Variants in CMIP observed in about 807,000 individuals in gnomAD.
CMIP encodes c-Maf inducing protein, also known as C-Maf-inducing protein.
In CMIP, 13 loss-of-function variants were observed where a neutral mutation model predicts 97.3. That is an observed-to-expected ratio of 0.13 (90% confidence interval 0.09 to 0.21). CMIP has a LOEUF of 0.21. CMIP is among the 10% of genes least tolerant of loss of function. CMIP has a pLI of 1.00. For synonymous variants in CMIP, 538 were observed against 436.3 expected (o/e 1.23, Z -2.91); for missense variants, 847 against 1,024.9 (o/e 0.83, Z 2.37).
At chr16:81,527,525 A>G (rs2090155832) in intron 1 of CMIP, among the ~76,000 whole-genome samples, 1 of 152,134 alleles carries the variant, frequency 6.6e-6, no homozygotes, top group Admixed American at 6.6e-5. Context: ...ATCCCATCTC[A>G]TGGACCTACC....
intron 9 of CMIP, among the ~76,000 whole-genome samples, chr16:81,675,403 G>C (rs1226338472): frequency 7.1e-6 from 1 of 141,244 alleles, no homozygotes; most frequent in Admixed American, 7.4e-5. Flanking sequence ...ATTTTTAGTA[G>C]AGATGGGGTT....
At chr16:81,629,425 C>T (rs188220912) in intron 3 of CMIP, among the ~76,000 whole-genome samples, 7 of 152,306 alleles carry the variant, frequency 4.6e-5, no homozygotes, top group South Asian at 4.1e-4. Flanking sequence ...AGTGACCCTC[C>T]GAGGTGGCTC....
At chr16:81,548,357 C>G (rs2090589388) in intron 1 of CMIP, among the ~76,000 whole-genome samples, 1 of 152,076 alleles carries the variant, frequency 6.6e-6, no homozygotes, top group African/African-American at 2.4e-5. Context: ...TGTTCTCGAA[C>G]TCCTGAGCTG....
intron 1 of CMIP, among the ~76,000 whole-genome samples, chr16:81,566,322 C>T (rs2090983086): frequency 6.6e-6 from 1 of 152,240 alleles, no homozygotes; most frequent in Non-Finnish European, 1.5e-5. Context: ...CTCCTGGGGA[C>T]ACATCGGGTT....
intron 1 of CMIP, among the ~76,000 whole-genome samples, chr16:81,448,829 G>T (rs1477912213): frequency 6.6e-6 from 1 of 152,272 alleles, no homozygotes; most frequent in Non-Finnish European, 1.5e-5. Flanking sequence ...ACCTTTGTGG[G>T]GAAGGGCCTG....
chr16:81,698,774 C>T (rs1226519555), intron 14 of CMIP, among the ~76,000 whole-genome samples: 3 of 152,186 alleles, frequency 2.0e-5, no homozygotes, highest in Non-Finnish European at 4.4e-5. Context: ...CCCTTCCTCC[C>T]GGCCTCAGTC....
At chr16:81,540,384 C>T (rs1457536030) in intron 1 of CMIP, among the ~76,000 whole-genome samples, 1 of 152,160 alleles carries the variant, frequency 6.6e-6, no homozygotes, top group African/African-American at 2.4e-5. Context: ...CTCACTGCAG[C>T]CTTGACCTCC....
Position 81,491,886 on chromosome 16 carries a change from C to T in CMIP, c.300+46345C>T, listed in dbSNP as rs140431206. ...GGTTTCTTTCCATTTTCTCCTCTAC[C>T]GTCATCAGCGGAGATGACGTTTTAC... On this transcript the variant is annotated intron_variant, in intron 1 of 20. Coordinates refer to ENST00000537098, the MANE Select transcript of CMIP (RefSeq NM_198390.3). Among the ~76,000 whole-genome samples the T allele has an allele frequency of 7.9e-5, 12 of 152,302 alleles. No individual in the cohort carries two copies. The East Asian group carries it at 1.5e-3, about 20-fold the overall frequency.
chr16:81,493,795 G>A (rs1248736771), intron 1 of CMIP, among the ~76,000 whole-genome samples: 1 of 152,212 alleles, frequency 6.6e-6, no homozygotes, highest in Non-Finnish European at 1.5e-5. Flanking sequence ...TCAAAGGGGC[G>A]AGTCACCTGC....
intron 1 of CMIP, among the ~76,000 whole-genome samples, chr16:81,566,238 G>A (rs1203874830): frequency 6.6e-6 from 1 of 152,218 alleles, no homozygotes; most frequent in Non-Finnish European, 1.5e-5. Context: ...TGTGCTTGGG[G>A]TTTAGTGGAC....
chr16:81,696,733 A>G, intron 14 of CMIP, 66 bp downstream of exon 14: 2 of 1,448,930 alleles, frequency 1.4e-6, no homozygotes, highest in East Asian at 4.7e-5. Context: ...CTGACTAGTA[A>G]AACAGCCGTC....
chr16:81,638,944 T>C (rs915452210), intron 3 of CMIP, among the ~76,000 whole-genome samples: 1 of 152,190 alleles, frequency 6.6e-6, no homozygotes, highest in Non-Finnish European at 1.5e-5. Context: ...CAGGCTGTTT[T>C]TCCACTGCAC....
In CMIP at chr16:81,705,564, C is replaced by T. The variant is rs1391262679; in HGVS notation, c.2157C>T (p.Cys719=). 13 of 1,608,704 alleles carry T rather than the reference C, an allele frequency of 8.1e-6. No homozygotes were observed. Among genetic ancestry groups the T allele is most frequent in the Non-Finnish European group, 1.1e-5 (13 of 1,178,370 alleles). Residue 719 remains cysteine (C), a synonymous_variant, in exon 19 of 21, where the codon TGC becomes TGT. Transcript: ENST00000537098. ...HLTMLQVLNL[C]ETPVTDAGLL... ...CCATGCTCCAGGTGCTGAACCTGTG[C>T]GAGACCCCGGTCACAGACGCTGGCC...
intron 1 of CMIP, among the ~76,000 whole-genome samples, chr16:81,474,891 G>A (rs1275026711): frequency 6.6e-6 from 1 of 152,256 alleles, no homozygotes; most frequent in Non-Finnish European, 1.5e-5. Flanking sequence ...ACCAGTGCTT[G>A]TCTTTGCAGA....
intron 7 of CMIP, among the ~76,000 whole-genome samples, chr16:81,669,097 A>C (rs1165877487): frequency 1.1e-4 from 8 of 73,826 alleles, no homozygotes; most frequent in Non-Finnish European, 1.6e-4. Context: ...TCCACCTCAC[A>C]CCTCCACACC....
intron 1 of CMIP, among the ~76,000 whole-genome samples, chr16:81,540,555 G>A (rs2090428728): frequency 6.6e-6 from 1 of 151,950 alleles, no homozygotes; most frequent in Non-Finnish European, 1.5e-5. Flanking sequence ...CTCCTGCCTC[G>A]GCCTCCCAAA....
At chr16:81,653,821 C>T (rs1259811092) in intron 4 of CMIP, among the ~76,000 whole-genome samples, 1 of 152,244 alleles carries the variant, frequency 6.6e-6, no homozygotes, top group Non-Finnish European at 1.5e-5. Context: ...CCGTGTTGGC[C>T]AGGCTGGTCT....
At chr16:81,620,989 A>G (rs1004181266) in intron 3 of CMIP, 63 bp downstream of exon 3, 30 of 1,596,586 alleles carry the variant, frequency 1.9e-5, no homozygotes, top group Non-Finnish European at 2.5e-5. Context: ...GCTTAAAGCC[A>G]ATCTGTCACC....
At chr16:81,516,863 T>C (rs888826595) in intron 1 of CMIP, among the ~76,000 whole-genome samples, 6 of 152,180 alleles carry the variant, frequency 3.9e-5, no homozygotes, top group African/African-American at 1.4e-4. Flanking sequence ...CCAGATGGCC[T>C]CCAAGGTCTT....
Sources: gnomAD v4.1 joint callset for allele counts (sites outside exome capture counted in the v4.1 genomes callset) on GRCh38, gnomAD v4.1.1 for gene constraint, MANE v1.5 for transcripts, NCBI Gene and HGNC (gene_info 2026-07-23, HGNC 2026-07-21) for gene names.